Variants in FHDC1 observed in about 807,000 individuals in gnomAD.
FHDC1 encodes the protein FH2 domain containing 1, also known as FH2 domain-containing protein 1.
FHDC1 carries 25 observed loss-of-function variants against 52.6 expected under a neutral mutation model. That is an observed-to-expected ratio of 0.48 (90% CI 0.35 to 0.66). The LOEUF is 0.66. Ranked by LOEUF, FHDC1 falls within the 30% of genes least tolerant of loss-of-function variation. FHDC1 has a pLI of 0.01. For missense variants in FHDC1, 1,459 were observed against 1,452.8 expected, an observed-to-expected ratio of 1.00 and a Z score of -0.07; for synonymous variants, 616 against 581.5, an observed-to-expected ratio of 1.06 and a Z score of -0.85.
chr4:152,940,019 G>A (rs138215864), intron 1 of FHDC1, among the ~76,000 whole-genome samples: 38 of 152,328 alleles, frequency 2.5e-4, no homozygotes, highest in African/African-American at 8.4e-4. Context: ...TAGCGTACCT[G>A]GAGAGTGTGT....
At chr4:152,917,099 T>C in the FHDC1 span, 1 of 152,168 alleles carries the variant, frequency 6.6e-6, no homozygotes, top group Non-Finnish European at 1.5e-5. Context: ...GAGCCACTGT[T>C]CCCGGCCCCA....
At chr4:152,925,859 AGGAGAAGAAGGAGG>A in the FHDC1 span, among the ~76,000 whole-genome samples, 20 of 123,446 alleles carry the variant, frequency 1.6e-4, no homozygotes, top group South Asian at 2.7e-4. Flanking sequence ...GAAGAAGGAG[AGGAGAAGAAGGAGG>A]AGAAGGAGGA....
intron 4 of FHDC1, among the ~76,000 whole-genome samples, chr4:152,956,903 C>T (rs1039592068): frequency 8.5e-5 from 13 of 152,268 alleles, no homozygotes; most frequent in African/African-American, 2.9e-4. Flanking sequence ...TCCCCAGAGC[C>T]GGCAGGAGCC....
rs1211985083 is a variant in FHDC1 at position 152,942,960 on chromosome 4, C to A, written c.-98C>A. 1 of 1,334,088 alleles carries A rather than the reference C, an allele frequency of 7.5e-7. No individual in the cohort carries two copies. Among genetic ancestry groups the A allele is most frequent in the Non-Finnish European group, 1.0e-6 (1 of 967,844 alleles). The allele number at this position is 1,334,088 out of a possible 1,614,324, so 82.6% of individuals were successfully genotyped here. A position where few individuals can be genotyped will look rare whatever the true frequency, so the allele number is the denominator to read the frequency against. Reference sequence around the variant, plus strand: ...AGAGGACAGTTGCCCTTTATTCTGGCGGCAGATAGCAGCAGGTGAAAAAGT... The same window carrying A: ...AGAGGACAGTTGCCCTTTATTCTGGAGGCAGATAGCAGCAGGTGAAAAAGT... On this transcript the variant is annotated 5_prime_UTR_variant, in exon 2 of 12. Transcript: ENST00000511601.
At chr4:152,927,779 C>G in the FHDC1 span, 2 of 1,396,070 alleles carry the variant, frequency 1.4e-6, no homozygotes, top group East Asian at 4.6e-5. Flanking sequence ...ACTGAAAGAA[C>G]TGAAGGAATA....
chr4:152,937,691 G>A (rs926220277), intron 1 of FHDC1, among the ~76,000 whole-genome samples: 1 of 151,842 alleles, frequency 6.6e-6, no homozygotes, highest in East Asian at 1.9e-4. Context: ...GGCGCGGCGC[G>A]TGTGGGCGTC....
At chr4:152,959,340 A>G (rs928738702) in intron 4 of FHDC1, among the ~76,000 whole-genome samples, 1 of 152,218 alleles carries the variant, frequency 6.6e-6, no homozygotes, top group Non-Finnish European at 1.5e-5. Flanking sequence ...TGTTGTTTGA[A>G]AACTTTCCTT....
At chr4:152,968,293 AT>A (rs11410287) in intron 10 of FHDC1, among the ~76,000 whole-genome samples, 196 bp downstream of exon 10, 535 of 144,380 alleles carry the variant, frequency 3.7e-3, no homozygotes, top group African/African-American at 7.2e-3. Context: ...AGCCTGATAT[AT>A]TTTTTTTTTT....
In FHDC1 at chr4:152,974,770, G is replaced by A; in HGVS notation, c.1479G>A (p.Gly493=). Residue 493 remains glycine (G), a synonymous_variant, in exon 12 of 12, where the codon GGG becomes GGA. Coordinates refer to ENST00000511601, the MANE Select transcript of FHDC1 (RefSeq NM_001371116.1). Reference sequence around the variant, plus strand: ...GCTCCTGGGCAACTGGGGAGCTGGGGGCATTTGGCCGGAGCAGCAGTGAGA... The same window carrying A: ...GCTCCTGGGCAACTGGGGAGCTGGGAGCATTTGGCCGGAGCAGCAGTGAGA... ...KQRSWATGEL[G]AFGRSSSEND... is the part of the protein sequence containing the mutation. 1 of 1,534,666 alleles carries A rather than the reference G, an allele frequency of 6.5e-7. No homozygotes were observed. Among genetic ancestry groups the A allele is most frequent in the Non-Finnish European group, 8.8e-7 (1 of 1,138,818 alleles).
intron 10 of FHDC1, among the ~76,000 whole-genome samples, chr4:152,969,738 C>T (rs1338335107): frequency 6.9e-6 from 1 of 145,840 alleles, no homozygotes; most frequent in Non-Finnish European, 1.5e-5. Flanking sequence ...GGCACGATCT[C>T]GGCTCACTGC....
At chr4:152,964,164 C>T (rs894286237) in intron 8 of FHDC1, among the ~76,000 whole-genome samples, 1 of 152,138 alleles carries the variant, frequency 6.6e-6, no homozygotes, top group Non-Finnish European at 1.5e-5. Context: ...GCTGAAGGAG[C>T]TGACTCCATA....
chr4:152,926,734 C>T, the FHDC1 span, among the ~76,000 whole-genome samples: 1 of 150,420 alleles, frequency 6.6e-6, no homozygotes, highest in Non-Finnish European at 1.5e-5. Flanking sequence ...ATTCAGAGGC[C>T]TTGTTCCCCA....
chr4:152,966,608 C>T (rs527296069), intron 9 of FHDC1, among the ~76,000 whole-genome samples: 6 of 152,176 alleles, frequency 3.9e-5, no homozygotes, highest in African/African-American at 9.6e-5. Flanking sequence ...TACAGGCACC[C>T]GCCACCATGC....
intron 2 of FHDC1, among the ~76,000 whole-genome samples, chr4:152,944,720 G>A (rs1410761099): frequency 2.6e-5 from 4 of 152,222 alleles, no homozygotes; most frequent in Non-Finnish European, 5.9e-5. Context: ...TAGAATTCTT[G>A]AAGTGTAAAC....
the FHDC1 span, among the ~76,000 whole-genome samples, chr4:152,921,588 C>CCTTCCTTCCTCCCTT: frequency 2.6e-5 from 3 of 113,510 alleles, no homozygotes; most frequent in South Asian, 8.7e-4. Context: ...CTTCCTTCCT[C>CCTTCCTTCCTCCCTT]CCTCCCTCCC....
At chr4:152,963,195 T>C (rs1233154299) in intron 8 of FHDC1, 65 bp downstream of exon 8, 1 of 1,406,748 alleles carries the variant, frequency 7.1e-7, no homozygotes, top group Non-Finnish European at 1.0e-6. Flanking sequence ...GTGAAGTTTT[T>C]CCCAGGCATA....
At chr4:152,935,185 C>A (rs533575298), upstream of FHDC1, among the ~76,000 whole-genome samples, 215 of 151,660 alleles carry the variant, frequency 1.4e-3, no homozygotes, top group Admixed American at 3.9e-3. Context: ...CTAATAGTTT[C>A]TCTTTCTCGA....
chr4:152,963,422 C>T (rs914135518), intron 8 of FHDC1, among the ~76,000 whole-genome samples: 3 of 152,140 alleles, frequency 2.0e-5, no homozygotes. Context: ...CAGTGGGGAA[C>T]CAACAGGAGT....
chr4:152,962,957 G>C, intron 7 of FHDC1, 66 bp from the exon 8 acceptor site: 1 of 1,440,150 alleles, frequency 6.9e-7, no homozygotes, highest in Admixed American at 1.7e-5. Context: ...GTGTGTGTGT[G>C]TGTGTGTGTG....
Sources: allele counts gnomAD v4.1 joint callset (sites outside exome capture counted in the v4.1 genomes callset), GRCh38; gene constraint gnomAD v4.1.1; transcripts MANE v1.5; gene names NCBI Gene and HGNC (gene_info 2026-07-23, HGNC 2026-07-21).